The following EXOC4 variants were observed in gnomAD, a reference collection of about 807,000 sequenced individuals.
EXOC4 encodes exocyst complex component 4.
Under a neutral mutation model 107.2 loss-of-function variants are expected in EXOC4, and 71 were observed. The observed-to-expected ratio is 0.66, with a 90% CI of 0.55 to 0.81. EXOC4 has a LOEUF of 0.81. Ranked by LOEUF, EXOC4 falls within the 30% of genes least tolerant of loss-of-function variation. The pLI is 0.00. For synonymous variants in EXOC4, 456 were observed against 441.2 expected (o/e 1.03, Z -0.42); for missense variants, 1,108 against 1,189.6 (o/e 0.93, Z 1.01).
chr7:133,477,069 T>C (rs967783158), intron 8 of EXOC4, among the ~76,000 whole-genome samples: 2 of 152,116 alleles, frequency 1.3e-5, no homozygotes, highest in Non-Finnish European at 2.9e-5. Context: ...GTACAGAGAG[T>C]TCCTTTATAT....
At chr7:133,723,024 G>C (rs533873135) in intron 10 of EXOC4, among the ~76,000 whole-genome samples, 7 of 152,268 alleles carry the variant, frequency 4.6e-5, no homozygotes, top group African/African-American at 1.7e-4. Flanking sequence ...TATGAGTTAA[G>C]TGTTACTTAT....
the EXOC4 span, among the ~76,000 whole-genome samples, chr7:134,095,790 C>A: frequency 6.6e-6 from 1 of 151,984 alleles, no homozygotes; most frequent in Non-Finnish European, 1.5e-5. Context: ...GAAATTGGAC[C>A]CCTACATTTC....
intron 9 of EXOC4, among the ~76,000 whole-genome samples, chr7:133,530,189 A>T (rs1389232697): frequency 6.6e-6 from 1 of 152,204 alleles, no homozygotes; most frequent in African/African-American, 2.4e-5. Flanking sequence ...GTGACATAGT[A>T]ACCTAGAAAA....
At chr7:133,353,779 ATCCTGTGGGCTGTCT>A (rs1240433850) in intron 5 of EXOC4, among the ~76,000 whole-genome samples, 2 of 151,970 alleles carry the variant, frequency 1.3e-5, no homozygotes, top group African/African-American at 4.8e-5. Context: ...TCTAAATTGT[ATCCTGTGGGCTGTCT>A]TCACTTCTCT....
chr7:133,353,305 T>TG (rs1486760366), intron 5 of EXOC4, among the ~76,000 whole-genome samples: 1 of 152,160 alleles, frequency 6.6e-6, no homozygotes, highest in African/African-American at 2.4e-5. Context: ...AAGCATTTCT[T>TG]GCATGGCAGT....
chr7:133,601,716 C>T (rs1210563338), intron 9 of EXOC4: 1 of 152,252 alleles, frequency 6.6e-6, no homozygotes. Flanking sequence ...GAACAGCTCC[C>T]CTGTGCTCTC....
intron 10 of EXOC4, among the ~76,000 whole-genome samples, chr7:133,642,394 T>C (rs1802878974): frequency 6.6e-6 from 1 of 152,222 alleles, no homozygotes. Context: ...CATTTCTTTT[T>C]CAGAGGCAGT....
At chr7:133,948,718 C>T (rs1482820814) in intron 14 of EXOC4, among the ~76,000 whole-genome samples, 6 of 152,108 alleles carry the variant, frequency 3.9e-5, no homozygotes, top group African/African-American at 1.2e-4. Context: ...TGCCTCAAGC[C>T]GTAGTTGACA....
At chr7:133,668,205 A>T (rs1325706138) in intron 10 of EXOC4, among the ~76,000 whole-genome samples, 2 of 152,248 alleles carry the variant, frequency 1.3e-5, no homozygotes, top group Non-Finnish European at 2.9e-5. Flanking sequence ...CATTAAATGT[A>T]TGAATGGAAA....
At chr7:134,043,478 C>A (rs12531707) in intron 17 of EXOC4, among the ~76,000 whole-genome samples, 1 of 151,972 alleles carries the variant, frequency 6.6e-6, no homozygotes, top group Non-Finnish European at 1.5e-5. Context: ...TGCTTCACCA[C>A]CACATTTGAA....
intron 9 of EXOC4, among the ~76,000 whole-genome samples, chr7:133,603,588 G>T (rs777298892): frequency 1.3e-5 from 2 of 152,174 alleles, no homozygotes; most frequent in South Asian, 4.1e-4. Context: ...CATGCACAAC[G>T]TGTAGGCAAT....
intron 10 of EXOC4, among the ~76,000 whole-genome samples, chr7:133,759,254 A>G (rs2151149038): frequency 6.6e-6 from 1 of 150,598 alleles, no homozygotes; most frequent in African/African-American, 2.4e-5. Context: ...AAGTTTTGGG[A>G]TTACAAGGAT....
chr7:133,705,613 A>G (rs750997462), intron 10 of EXOC4, among the ~76,000 whole-genome samples: 1 of 152,208 alleles, frequency 6.6e-6, no homozygotes, highest in African/African-American at 2.4e-5. Flanking sequence ...CCAAATTGCC[A>G]GCATCACTAC....
chr7:133,285,206 G>A (rs1794247296), intron 2 of EXOC4, among the ~76,000 whole-genome samples: 1 of 152,154 alleles, frequency 6.6e-6, no homozygotes, highest in Admixed American at 6.5e-5. Flanking sequence ...ACAGCATACT[G>A]TGATTATGTT....
At chr7:133,746,343 G>A (rs1197080207) in intron 10 of EXOC4, among the ~76,000 whole-genome samples, 1 of 152,066 alleles carries the variant, frequency 6.6e-6, no homozygotes. Flanking sequence ...CTAGTTAAAT[G>A]TTACCTTAAA....
chr7:133,693,666 A>C (rs1794469551), intron 10 of EXOC4, among the ~76,000 whole-genome samples: 1 of 152,126 alleles, frequency 6.6e-6, no homozygotes, highest in South Asian at 2.1e-4. Flanking sequence ...TAAATCAATA[A>C]AAAAAATATA....
At chr7:133,529,561 A>G (rs997816465) in intron 9 of EXOC4, among the ~76,000 whole-genome samples, 3 of 152,230 alleles carry the variant, frequency 2.0e-5, no homozygotes, top group South Asian at 2.1e-4. Context: ...TGGGGCCCTA[A>G]GCATCAGAAA....
chr7:133,720,272 G>T (rs1301088726), intron 10 of EXOC4, among the ~76,000 whole-genome samples: 1 of 152,114 alleles, frequency 6.6e-6, no homozygotes, highest in Non-Finnish European at 1.5e-5. Context: ...GAAAAAATGT[G>T]TATAGTACCT....
intron 9 of EXOC4, among the ~76,000 whole-genome samples, chr7:133,558,189 CTCTTTTCTTTTCTTTTCTTT>C (rs11275864): frequency 0.015 from 1,728 of 114,392 alleles, 22 homozygotes; most frequent in East Asian, 0.06. Context: ...TTGGTTCCTT[CTCTTTTCTTTTCTTTTCTTT>C]TCTTTTCTTT....
Sources: allele counts gnomAD v4.1 joint callset (sites outside exome capture counted in the v4.1 genomes callset), GRCh38; gene constraint gnomAD v4.1.1; transcripts MANE v1.5; gene names NCBI Gene and HGNC (gene_info 2026-07-23, HGNC 2026-07-21).